ANKRD13B: variants seen among roughly 807,000 people sequenced by gnomAD.
ANKRD13B encodes ankyrin repeat domain-containing protein 13B.
Under a neutral mutation model 74.4 loss-of-function variants are expected in ANKRD13B, and 33 were observed. That is an observed-to-expected ratio of 0.44 (90% CI 0.34 to 0.59). ANKRD13B has a LOEUF of 0.59. Ranked by LOEUF, ANKRD13B falls within the 20% of genes least tolerant of loss-of-function variation. The pLI is 0.02. For synonymous variants in ANKRD13B, 341 were observed against 362.9 expected (o/e 0.94, Z 0.68); for missense variants, 676 against 877.9 (o/e 0.77, Z 2.91).
chr17:29,609,662 G>A lies in ANKRD13B; in HGVS notation c.822+241G>A, dbSNP rs574142547. Among the ~76,000 whole-genome samples, 30 of 152,322 alleles carry A rather than the reference G, an allele frequency of 2.0e-4. No homozygotes were observed. In the South Asian group the frequency reaches 4.6e-3, roughly 23 times the overall value. On this transcript the variant is annotated intron_variant, in intron 7 of 14. Coordinates refer to ENST00000394859, the MANE Select transcript of ANKRD13B (RefSeq NM_152345.5). This position sits in a 1 kb window ranked among gnomAD's most constrained non-coding sequence, Gnocchi z 4.0. The stretch of plus-strand genomic sequence containing the variant: ...TTATTCCTCACAGCAACCCTTTCTG[G>A]TAGGTGCTGTTCTGTTAGTATTCCC...
chr17:29,604,186 T>C (rs1466041368), intron 1 of ANKRD13B, among the ~76,000 whole-genome samples: 1 of 152,038 alleles, frequency 6.6e-6, no homozygotes, highest in Admixed American at 6.6e-5. Flanking sequence ...CTAGGTAAAT[T>C]ACTTGCAAAT....
chr17:29,597,987 C>CG (rs1555578667), intron 1 of ANKRD13B, among the ~76,000 whole-genome samples: 5 of 151,352 alleles, frequency 3.3e-5, no homozygotes, highest in Non-Finnish European at 7.4e-5. Context: ...TTAGCTGCAG[C>CG]GGCTGCGGCT....
Position 29,603,925 on chromosome 17 carries a change from T to A in ANKRD13B, c.115-3817T>A, listed in dbSNP as rs192670509. On this transcript the variant is annotated intron_variant, in intron 1 of 14. Transcript: ENST00000394859. ...GAGTCTCTCTCTCTGTTGCCCAGGCTGGAGTGCAGGGGCGCCATCTCGGCT... is the reference window on the plus strand; with the variant it reads ...GAGTCTCTCTCTCTGTTGCCCAGGCAGGAGTGCAGGGGCGCCATCTCGGCT... Among the ~76,000 whole-genome samples, 11 of 150,098 alleles carry A rather than the reference T, an allele frequency of 7.3e-5. No individual in the cohort carries two copies. The East Asian group carries it at 2.1e-3, about 29-fold the overall frequency.
rs200671034 is a variant in ANKRD13B, at chr17:29,609,261, T to C, written c.741T>C (p.Asn247=). The C allele has an allele frequency of 6.2e-7, 1 of 1,613,044 alleles. No homozygotes were observed. Among genetic ancestry groups the C allele is most frequent in the African/African-American group, 1.3e-5 (1 of 75,058 alleles). Residue 247 remains asparagine (N), a synonymous_variant, in exon 6 of 15, where the codon AAT becomes AAC. Transcript: ENST00000394859. This position sits in a 1 kb window ranked among gnomAD's most constrained non-coding sequence, Gnocchi z 4.0. ...PVVTTQLDTK[N]ISFERNKTGI... is the part of the protein sequence containing the mutation. ...TCACCACTCAGCTTGACACCAAGAA[T>C]ATCTCCTTTGAGAGGTGGGTGGACA... is the stretch of plus-strand genomic sequence containing the variant.
intron 1 of ANKRD13B, among the ~76,000 whole-genome samples, chr17:29,599,877 T>G (rs1184589496): frequency 8.1e-6 from 1 of 122,744 alleles, no homozygotes. Context: ...TTTTTTTTTT[T>G]TTTTTTTTTT....
chr17:29,598,575 G>A (rs746480489), intron 1 of ANKRD13B, among the ~76,000 whole-genome samples: 5 of 141,424 alleles, frequency 3.5e-5, no homozygotes, highest in East Asian at 4.5e-4. Context: ...ATGAGACAGC[G>A]TCTCACTCTG....
rs763633319 is a variant in ANKRD13B at position 29,612,481 on chromosome 17, G to C, written c.1338G>C (p.Val446=). ...LNGCDEPVPS[V]RGSPSSETPS... ...GCTGCGACGAACCGGTGCCATCGGT[G>C]CGAGGCAGCCCCAGCAGCGAGACGC... Residue 446 remains valine, a synonymous_variant, in exon 12 of 15, where the codon GTG becomes GTC. Transcript: ENST00000394859. The surrounding 1 kb of genome is among the most constrained non-coding windows in gnomAD (Gnocchi z 6.1). The C allele has an allele frequency of 2.5e-6, 4 of 1,595,496 alleles. No individual in the cohort carries two copies. Among genetic ancestry groups the C allele is most frequent in the Non-Finnish European group, 3.4e-6 (4 of 1,171,126 alleles).
chr17:29,604,858 ATC>A (rs2034313557), intron 1 of ANKRD13B, among the ~76,000 whole-genome samples: 1 of 152,036 alleles, frequency 6.6e-6, no homozygotes, highest in East Asian at 1.9e-4. Flanking sequence ...CTAATTTTTA[ATC>A]TGTTAGGGTG....
intron 1 of ANKRD13B, among the ~76,000 whole-genome samples, chr17:29,606,375 A>G (rs937511002): frequency 6.6e-6 from 1 of 151,998 alleles, no homozygotes; most frequent in South Asian, 2.1e-4. Context: ...CCTGGGCAAC[A>G]TATCAAAACC....
chr17:29,612,164 T>C lies in ANKRD13B; in HGVS notation c.1149T>C (p.Cys383=), dbSNP rs759158852. 3.7e-6 allele frequency: 6 copies of C among 1,614,024 alleles called. No homozygotes were observed. The East Asian group carries it at 8.9e-5, about 24-fold the overall frequency. ...WLCEEHPLSL[C]EQVAPIIDLM... is the part of the protein sequence containing the mutation. ...GTGAGGAGCATCCCCTGTCCCTGTG[T>C]GAGCAGGTGGCCCCCATCATTGACC... Residue 383 remains cysteine (C), a synonymous_variant, in exon 11 of 15, where the codon TGT becomes TGC. Transcript: ENST00000394859. The surrounding 1 kb of genome is among the most constrained non-coding windows in gnomAD (Gnocchi z 6.1).
chr17:29,611,504 G>T lies in ANKRD13B; in HGVS notation c.905-75G>T. The T allele has an allele frequency of 2.6e-6, 4 of 1,511,530 alleles. No individual in the cohort carries two copies. The South Asian group carries it at 3.4e-5, about 13-fold the overall frequency. 93.6% of individuals were successfully genotyped at this position (1,511,530 alleles called of 1,614,324 possible). ...AACCGGCCTCCTCCCTAGGTCTTGGGTGCTGTCACCTCTGATGAGGTGCCC... is the reference window on the plus strand; with the variant it reads ...AACCGGCCTCCTCCCTAGGTCTTGGTTGCTGTCACCTCTGATGAGGTGCCC... On this transcript the variant is annotated intron_variant, in intron 8 of 14. Coordinates refer to ENST00000394859, the MANE Select transcript of ANKRD13B (RefSeq NM_152345.5). This position sits in a 1 kb window ranked among gnomAD's most constrained non-coding sequence, Gnocchi z 4.3.
At chr17:29,606,221 C>T (rs2034368973) in intron 1 of ANKRD13B, among the ~76,000 whole-genome samples, 1 of 151,086 alleles carries the variant, frequency 6.6e-6, no homozygotes, top group Admixed American at 6.6e-5. Context: ...TGTCAGTTCA[C>T]TGTTCTTAAC....
chr17:29,601,502 A>G (rs1272505442), intron 1 of ANKRD13B, among the ~76,000 whole-genome samples: 1 of 152,152 alleles, frequency 6.6e-6, no homozygotes, highest in African/African-American at 2.4e-5. Flanking sequence ...GATTACAGGC[A>G]TGAGCCACTG....
intron 7 of ANKRD13B, 43 bp from the exon 8 acceptor site, chr17:29,610,642 A>G (rs367658953): frequency 3.3e-5 from 52 of 1,595,102 alleles, no homozygotes; most frequent in Middle Eastern, 1.7e-4. Context: ...GACACAGGGT[A>G]AGACCAGAAC....
intron 1 of ANKRD13B, among the ~76,000 whole-genome samples, chr17:29,606,818 C>G (rs893925952): frequency 6.6e-6 from 1 of 150,754 alleles, no homozygotes; most frequent in East Asian, 1.9e-4. Flanking sequence ...GGAGCCCGAG[C>G]CAGGTGGATC....
At position 29,606,070 on chromosome 17, in the gene ANKRD13B, G is replaced by A. The variant is rs190294059; in HGVS notation, c.115-1672G>A. Among the ~76,000 whole-genome samples, 23 of 151,676 alleles carry A rather than the reference G, an allele frequency of 1.5e-4. No individual in the cohort carries two copies. The East Asian group carries it at 4.6e-3, about 30-fold the overall frequency. ...TGGGATTACAGGCATGGGCCACCAC[G>A]CCTGGCTAATTTTGTATTTTTAGTA... On this transcript the variant is annotated intron_variant, in intron 1 of 14. Coordinates refer to ENST00000394859, the MANE Select transcript of ANKRD13B (RefSeq NM_152345.5).
At chr17:29,594,215 C>T (rs1477446138) in intron 1 of ANKRD13B, among the ~76,000 whole-genome samples, 2 of 152,188 alleles carry the variant, frequency 1.3e-5, no homozygotes, top group Admixed American at 1.3e-4. Flanking sequence ...TCTCTTTTAG[C>T]TCTCAAACTG....
rs376855975 is a variant in ANKRD13B, at chr17:29,607,648, G to C, written c.115-94G>C. 183 of 1,492,544 alleles carry C rather than the reference G, an allele frequency of 1.2e-4. 1 individual carries two copies. Among genetic ancestry groups the C allele is most frequent in the South Asian group, 1.4e-4 (11 of 77,548 alleles). The allele number at this position is 1,492,544 out of a possible 1,614,324, so 92.5% of individuals were successfully genotyped here. ...TGAGGCAGAGCAGCCCCAGCAGGGGGTGGGGGTTGCTGCCTGCTCCAGGGC... is the reference window on the plus strand; with the variant it reads ...TGAGGCAGAGCAGCCCCAGCAGGGGCTGGGGGTTGCTGCCTGCTCCAGGGC... On this transcript the variant is annotated intron_variant, in intron 1 of 14. Transcript: ENST00000394859.
chr17:29,598,134 C>T (rs1023187936), intron 1 of ANKRD13B, among the ~76,000 whole-genome samples: 1 of 152,156 alleles, frequency 6.6e-6, no homozygotes, highest in African/African-American at 2.4e-5. Flanking sequence ...TCCAGCCCAA[C>T]CAGGATTGGA....
Sources: gnomAD v4.1 joint callset for allele counts (sites outside exome capture counted in the v4.1 genomes callset) on GRCh38, gnomAD v4.1.1 for gene constraint, Gnocchi (gnomAD v3.1) non-coding constraint, MANE v1.5 for transcripts, NCBI Gene and HGNC (gene_info 2026-07-23, HGNC 2026-07-21) for gene names.